ARMH3: variants seen among roughly 807,000 people sequenced by gnomAD.
ARMH3 encodes the protein armadillo-like helical domain-containing protein 3.
ARMH3 carries 60 observed loss-of-function variants against 99.1 expected under a neutral mutation model. The ratio of observed to expected loss-of-function variants is 0.61; its 90% CI spans 0.49 to 0.75. The LOEUF (loss-of-function observed/expected upper bound fraction) is 0.75, where lower values mean the gene tolerates loss of function less well. ARMH3 is among the 30% of genes least tolerant of loss of function. The pLI is 0.00. For synonymous variants in ARMH3, 285 were observed against 292.8 expected (o/e 0.97, Z 0.27); for missense variants, 679 against 843.1 (o/e 0.81, Z 2.41).
intron 23 of ARMH3, among the ~76,000 whole-genome samples, chr10:101,905,906 TTGTC>T (rs1265365279): frequency 6.6e-6 from 1 of 152,242 alleles, no homozygotes; most frequent in Non-Finnish European, 1.5e-5. Context: ...CCCTTTTTGA[TTGTC>T]TGTCCGTCTT....
At chr10:101,898,224 G>T (rs567670275) in intron 23 of ARMH3, among the ~76,000 whole-genome samples, 1 of 151,234 alleles carries the variant, frequency 6.6e-6, no homozygotes, top group Non-Finnish European at 1.5e-5. Flanking sequence ...ATGGTGACAT[G>T]TGCCTGTTGT....
At chr10:102,034,520 C>A (rs933423082) in intron 2 of ARMH3, among the ~76,000 whole-genome samples, 8 of 151,722 alleles carry the variant, frequency 5.3e-5, no homozygotes, top group African/African-American at 1.9e-4. Context: ...CCTGTAGTCC[C>A]AGCTACTAGG....
At chr10:102,023,637 T>A in intron 7 of ARMH3, 38 bp downstream of exon 7, 1 of 1,609,694 alleles carries the variant, frequency 6.2e-7, no homozygotes, top group Non-Finnish European at 8.5e-7. Context: ...TTTGAAGAGG[T>A]GGTTTACCCC....
At chr10:101,988,748 C>A (rs541532738) in intron 19 of ARMH3, among the ~76,000 whole-genome samples, 1 of 152,100 alleles carries the variant, frequency 6.6e-6, no homozygotes, top group Admixed American at 6.5e-5. Context: ...TGTGGTGAAA[C>A]CCTGTCTCTA....
chr10:101,990,506 T>C, intron 19 of ARMH3, 45 bp downstream of exon 19: 1 of 1,431,456 alleles, frequency 7.0e-7, no homozygotes, highest in South Asian at 1.2e-5. Context: ...TTCAGTTCTT[T>C]AAAATAGATT....
Position 101,990,607 on chromosome 10 carries a change from C to A in ARMH3, c.1350G>T (p.Leu450=). ...TGTGTGTTACAATAAACTCTACCAT[C>A]AGGTCTGAAAGGGGAATAGAGAAAA... ...CRPLVCAVLD[L]MVEFIVTHMM... The change falls in exon 19 of 26, where the codon CTG becomes CTT. Residue 450 remains leucine (L), a synonymous_variant. Coordinates refer to ENST00000370033, the MANE Select transcript of ARMH3 (RefSeq NM_024541.3). 6.2e-7 allele frequency: 1 copy of A among 1,605,624 alleles called. No individual in the cohort carries two copies. Among genetic ancestry groups the A allele is most frequent in the Non-Finnish European group, 8.5e-7 (1 of 1,172,600 alleles).
At chr10:101,938,468 A>G (rs555946501) in intron 23 of ARMH3, among the ~76,000 whole-genome samples, 3 of 152,360 alleles carry the variant, frequency 2.0e-5, no homozygotes, top group Admixed American at 1.3e-4. Flanking sequence ...GCAGAAGATA[A>G]GGCAAGTATA....
At chr10:101,909,414 C>CA (rs1232777837) in intron 23 of ARMH3, among the ~76,000 whole-genome samples, 2,206 of 72,302 alleles carry the variant, frequency 0.031, 31 homozygotes, top group Middle Eastern at 0.057. Flanking sequence ...AACCCTATCT[C>CA]AAAAAAAAAA....
chr10:102,047,002 T>C (rs1465165186), intron 1 of ARMH3, among the ~76,000 whole-genome samples: 2 of 152,204 alleles, frequency 1.3e-5, no homozygotes, highest in Non-Finnish European at 2.9e-5. Flanking sequence ...GATACATCTG[T>C]CTGTAAATGT....
At chr10:101,857,435 A>T (rs2066760971) in intron 24 of ARMH3, among the ~76,000 whole-genome samples, 1 of 151,682 alleles carries the variant, frequency 6.6e-6, no homozygotes, top group South Asian at 2.1e-4. Flanking sequence ...CAACAGTGAG[A>T]CTCCACTTCA....
intron 19 of ARMH3, among the ~76,000 whole-genome samples, chr10:101,975,589 G>A (rs528382726): frequency 6.6e-6 from 1 of 152,236 alleles, no homozygotes; most frequent in South Asian, 2.1e-4. Flanking sequence ...AAAAAAGCCT[G>A]GCGTGGTGGT....
At chr10:102,038,212 A>G (rs1379096089) in intron 2 of ARMH3, among the ~76,000 whole-genome samples, 1 of 145,858 alleles carries the variant, frequency 6.9e-6, no homozygotes, top group African/African-American at 2.6e-5. Context: ...CTCCTACCTC[A>G]GCCTCCCAAG....
chr10:101,937,282 C>T (rs1202248376), intron 23 of ARMH3, among the ~76,000 whole-genome samples: 1 of 152,084 alleles, frequency 6.6e-6, no homozygotes, highest in Admixed American at 6.6e-5. Context: ...CTTTGGGAGG[C>T]CAAGGCAGGT....
chr10:101,968,776 A>C (rs1339231937), intron 20 of ARMH3, among the ~76,000 whole-genome samples: 1 of 152,206 alleles, frequency 6.6e-6, no homozygotes, highest in Non-Finnish European at 1.5e-5. Context: ...GATTCAGCCA[A>C]ATGTAGTGAT....
intron 22 of ARMH3, among the ~76,000 whole-genome samples, chr10:101,951,140 G>A (rs1026276792): frequency 5.9e-5 from 9 of 152,110 alleles, no homozygotes; most frequent in Admixed American, 2.6e-4. Context: ...CAAAACATTC[G>A]TGAGAAAAAT....
chr10:101,948,051 C>T (rs995390332), intron 22 of ARMH3, among the ~76,000 whole-genome samples: 3 of 151,704 alleles, frequency 2.0e-5, no homozygotes, highest in African/African-American at 4.8e-5. Context: ...CCAAAAAGTG[C>T]GGGGAGGGGC....
intron 19 of ARMH3, among the ~76,000 whole-genome samples, chr10:101,987,398 T>A (rs953004459): frequency 2.6e-5 from 4 of 152,154 alleles, no homozygotes; most frequent in Non-Finnish European, 5.9e-5. Context: ...TCTCTAATGC[T>A]CCAGTCAGCA....
At chr10:102,008,274 A>C (rs1416411455) in intron 13 of ARMH3, among the ~76,000 whole-genome samples, 1 of 152,240 alleles carries the variant, frequency 6.6e-6, no homozygotes, top group African/African-American at 2.4e-5. Flanking sequence ...ATTCAAATCA[A>C]TAGATTCCAT....
chr10:101,973,077 G>A (rs1476795698), intron 20 of ARMH3, among the ~76,000 whole-genome samples: 1 of 152,084 alleles, frequency 6.6e-6, no homozygotes, highest in East Asian at 1.9e-4. Flanking sequence ...AAAGATAATC[G>A]CAGCCAGGCA....
Sources: gnomAD v4.1 joint callset for allele counts (sites outside exome capture counted in the v4.1 genomes callset) on GRCh38, gnomAD v4.1.1 for gene constraint, MANE v1.5 for transcripts, NCBI Gene and HGNC (gene_info 2026-07-23, HGNC 2026-07-21) for gene names.